The following CNTNAP2 variants were observed in gnomAD, a reference collection of about 807,000 sequenced individuals.
CNTNAP2 encodes contactin associated protein 2.
In CNTNAP2, 98 loss-of-function variants were observed where a neutral mutation model predicts 155.2. That is an observed-to-expected ratio of 0.63 (90% CI 0.54 to 0.75). The LOEUF is 0.75. CNTNAP2 is among the 30% of genes least tolerant of loss of function. The pLI is 0.00. For missense variants in CNTNAP2, 1,727 were observed against 1,688.1 expected (o/e 1.02, Z -0.40); for synonymous variants, 651 against 631.2 (o/e 1.03, Z -0.47).
At chr7:148,278,302 C>T (rs1476945919) in intron 21 of CNTNAP2, among the ~76,000 whole-genome samples, 1 of 152,074 alleles carries the variant, frequency 6.6e-6, no homozygotes, top group Admixed American at 6.6e-5. Context: ...CTCGGTGGCT[C>T]ACGCCTGTAA....
At chr7:147,756,693 A>G (rs953301792) in intron 13 of CNTNAP2, among the ~76,000 whole-genome samples, 1 of 152,224 alleles carries the variant, frequency 6.6e-6, no homozygotes, top group Non-Finnish European at 1.5e-5. Context: ...AAAATGAAAG[A>G]TGCTTCTAGA....
chr7:146,134,206 CTGTT>C lies in CNTNAP2; in HGVS notation c.97+17237_97+17240del, dbSNP rs1231357470. Among the ~76,000 whole-genome samples the C allele has an allele frequency of 1.4e-4, 22 of 152,024 alleles. No individual in the cohort carries two copies. The South Asian group carries it at 3.7e-3, about 26-fold the overall frequency. ...AAATGGGAGTTCACTCATGATTTGGCTGTTTGTCTGTTGTTGGTGTATAAGAATG... is the reference window on the plus strand; with the variant it reads ...AAATGGGAGTTCACTCATGATTTGGCTGTCTGTTGTTGGTGTATAAGAATG... On this transcript the variant is annotated intron_variant, in intron 1 of 23. Transcript: ENST00000361727.
intron 1 of CNTNAP2, among the ~76,000 whole-genome samples, chr7:146,526,058 G>A (rs920168617): frequency 1.3e-5 from 2 of 151,864 alleles, no homozygotes; most frequent in Non-Finnish European, 2.9e-5. Flanking sequence ...TTTCTGATTT[G>A]AAAATAAATA....
chr7:146,412,962 G>A (rs558535489), intron 1 of CNTNAP2, among the ~76,000 whole-genome samples: 3 of 151,970 alleles, frequency 2.0e-5, no homozygotes, highest in Admixed American at 6.6e-5. Context: ...AATTCCAATC[G>A]TATGAAAATG....
intron 3 of CNTNAP2, among the ~76,000 whole-genome samples, chr7:146,891,497 A>G (rs1489758028): frequency 6.6e-6 from 1 of 152,232 alleles, no homozygotes; most frequent in Non-Finnish European, 1.5e-5. Context: ...AGGTGAAAAA[A>G]GTCAGAAGTT....
chr7:146,341,513 C>G (rs1232398578), intron 1 of CNTNAP2, among the ~76,000 whole-genome samples: 1 of 152,072 alleles, frequency 6.6e-6, no homozygotes, highest in Non-Finnish European at 1.5e-5. Flanking sequence ...GATAGAAAAA[C>G]AGTTGCGACA....
At chr7:146,558,098 G>A (rs1201696087) in intron 1 of CNTNAP2, among the ~76,000 whole-genome samples, 1 of 152,168 alleles carries the variant, frequency 6.6e-6, no homozygotes, top group Non-Finnish European at 1.5e-5. Flanking sequence ...CTGTTAGCAG[G>A]ACCTGGTTAC....
At chr7:146,434,302 G>C (rs1796211599) in intron 1 of CNTNAP2, among the ~76,000 whole-genome samples, 1 of 152,070 alleles carries the variant, frequency 6.6e-6, no homozygotes, top group Non-Finnish European at 1.5e-5. Flanking sequence ...TTTCTAAGAG[G>C]CAATCTTATT....
chr7:146,475,997 CAG>C (rs1346457881), intron 1 of CNTNAP2, among the ~76,000 whole-genome samples: 1 of 152,114 alleles, frequency 6.6e-6, no homozygotes, highest in Non-Finnish European at 1.5e-5. Flanking sequence ...CGTGAAATAT[CAG>C]GTGAGTTGAT....
chr7:147,785,609 G>T (rs1364925779), intron 13 of CNTNAP2, among the ~76,000 whole-genome samples: 1 of 151,972 alleles, frequency 6.6e-6, no homozygotes, highest in Non-Finnish European at 1.5e-5. Flanking sequence ...TTTTGGAGCT[G>T]GAAAAAAGTG....
chr7:147,737,438 G>A (rs987594499), intron 13 of CNTNAP2, among the ~76,000 whole-genome samples: 2 of 152,164 alleles, frequency 1.3e-5, no homozygotes, highest in African/African-American at 4.8e-5. Context: ...CCCCTACTGG[G>A]GGGTGCCTCC....
chr7:147,911,297 A>G (rs1166528715), intron 14 of CNTNAP2, among the ~76,000 whole-genome samples: 1 of 152,244 alleles, frequency 6.6e-6, no homozygotes, highest in Non-Finnish European at 1.5e-5. Context: ...ACATAGGCAG[A>G]AATAGAGAAG....
chr7:146,644,464 T>A (rs981156274), intron 1 of CNTNAP2, among the ~76,000 whole-genome samples: 9 of 152,158 alleles, frequency 5.9e-5, no homozygotes, highest in Non-Finnish European at 8.8e-5. Flanking sequence ...CATTTATTGA[T>A]TTGCGTATGT....
At chr7:148,048,757 T>C (rs17546472) in intron 15 of CNTNAP2, among the ~76,000 whole-genome samples, 53,910 of 151,876 alleles carry the variant, frequency 0.35, 10,320 homozygotes, top group East Asian at 0.75. Context: ...CCTTGGCCAA[T>C]GGCTGGAGCT....
chr7:147,460,186 G>A (rs923448271), intron 10 of CNTNAP2, among the ~76,000 whole-genome samples: 2 of 151,934 alleles, frequency 1.3e-5, no homozygotes, highest in East Asian at 3.9e-4. Context: ...CACAGAGAGC[G>A]GCCAGGACCC....
chr7:147,995,356 C>T lies in CNTNAP2; in HGVS notation c.2383+17367C>T, dbSNP rs149047960. 5.1e-3 allele frequency among the ~76,000 whole-genome samples: 775 copies of T among 152,242 alleles called. 8 individuals carry two copies. The highest frequency in any genetic ancestry group is 0.017 in the African/African-American group (705 of 41,522). ...CCAGCACAAGGATGCTGCCTCTCTC[C>T]TTCCCCTGCTCCCCAAACCCTTCTC... is the stretch of plus-strand genomic sequence containing the variant. On this transcript the variant is annotated intron_variant, in intron 15 of 23. Coordinates refer to ENST00000361727, the MANE Select transcript of CNTNAP2 (RefSeq NM_014141.6).
Position 147,943,145 on chromosome 7 carries a change from G to C in CNTNAP2, c.2256-34717G>C, listed in dbSNP as rs556083620. On this transcript the variant is annotated intron_variant, in intron 14 of 23. Transcript: ENST00000361727. Reference sequence around the variant, plus strand: ...TTCTTATGGCAACCAGAAGTATATAGAGCAGTTCAGTTCACAAAGGGCTGT... The same window carrying C: ...TTCTTATGGCAACCAGAAGTATATACAGCAGTTCAGTTCACAAAGGGCTGT... Among the ~76,000 whole-genome samples, 8 of 152,204 alleles carry C rather than the reference G, an allele frequency of 5.3e-5. No homozygotes were observed. The East Asian group carries it at 1.5e-3, about 29-fold the overall frequency.
chr7:148,111,736 A>T (rs942634609), intron 15 of CNTNAP2, among the ~76,000 whole-genome samples: 16 of 152,244 alleles, frequency 1.1e-4, no homozygotes, highest in African/African-American at 3.6e-4. Flanking sequence ...AACAGAAAGC[A>T]GTTGCTTTCC....
intron 3 of CNTNAP2, among the ~76,000 whole-genome samples, chr7:146,981,390 A>C (rs1798014022): frequency 6.6e-6 from 1 of 152,224 alleles, no homozygotes; most frequent in Non-Finnish European, 1.5e-5. Flanking sequence ...CAAAAATATA[A>C]ACCCTTTTTA....
Sources: allele counts gnomAD v4.1 joint callset (sites outside exome capture counted in the v4.1 genomes callset), GRCh38; gene constraint gnomAD v4.1.1; transcripts MANE v1.5; gene names NCBI Gene and HGNC (gene_info 2026-07-23, HGNC 2026-07-21).